RBFOX1: variants seen among roughly 807,000 people sequenced by gnomAD.
RBFOX1 encodes the protein RNA binding fox-1 homolog 1.
In RBFOX1, 8 loss-of-function variants were observed where a neutral mutation model predicts 57.7. The ratio of observed to expected loss-of-function variants is 0.14; its 90% CI spans 0.08 to 0.25. The LOEUF is 0.25. Among genes scored for constraint, RBFOX1 ranks in the 10% least tolerant of loss-of-function variants. The pLI is 1.00. For missense variants in RBFOX1, 611 were observed against 548.5 expected (o/e 1.11, Z -1.14); for synonymous variants, 326 against 222.4 (o/e 1.47, Z -4.15).
chr16:7,146,426 C>T (rs1334636422), intron 4 of RBFOX1, among the ~76,000 whole-genome samples: 1 of 152,224 alleles, frequency 6.6e-6, no homozygotes, highest in Non-Finnish European at 1.5e-5. Flanking sequence ...GCCTACCCAG[C>T]AGCTCTGTCA....
chr16:7,019,500 C>G (rs1268477372), intron 3 of RBFOX1, among the ~76,000 whole-genome samples: 3 of 152,138 alleles, frequency 2.0e-5, no homozygotes, highest in Non-Finnish European at 4.4e-5. Context: ...GCTCTCTTGT[C>G]TGAACCCCTG....
At chr16:6,834,553 A>G (rs151212142) in intron 3 of RBFOX1, among the ~76,000 whole-genome samples, 248 of 152,292 alleles carry the variant, frequency 1.6e-3, no homozygotes, top group African/African-American at 4.9e-3. Flanking sequence ...AACAGGAGAT[A>G]TCAGTAAGTG....
chr16:6,875,024 G>A (rs185392201), intron 3 of RBFOX1, among the ~76,000 whole-genome samples: 3 of 152,304 alleles, frequency 2.0e-5, no homozygotes, highest in South Asian at 4.1e-4. Context: ...AAAATGGGGA[G>A]AAGTTGTGAG....
At chr16:6,842,502 C>A (rs1388564516) in intron 3 of RBFOX1, among the ~76,000 whole-genome samples, 3 of 152,160 alleles carry the variant, frequency 2.0e-5, no homozygotes, top group South Asian at 2.1e-4. Context: ...CAAATTGAAT[C>A]ATATATTTTT....
intron 14 of RBFOX1, among the ~76,000 whole-genome samples, chr16:7,677,154 C>CACACACACAT (rs1401274680): frequency 2.0e-5 from 3 of 151,778 alleles, no homozygotes; most frequent in Non-Finnish European, 2.9e-5. Flanking sequence ...CACACACACA[C>CACACACACAT]ACACACCGTA....
At chr16:5,375,119 G>C (rs2065952521) in intron 1 of RBFOX1, among the ~76,000 whole-genome samples, 1 of 148,108 alleles carries the variant, frequency 6.8e-6, no homozygotes, top group South Asian at 2.2e-4. Flanking sequence ...AAAAATAGGT[G>C]TGCGGGTTTG....
intron 2 of RBFOX1, among the ~76,000 whole-genome samples, chr16:6,365,920 A>G (rs2089517252): frequency 6.6e-6 from 1 of 152,172 alleles, no homozygotes; most frequent in African/African-American, 2.4e-5. Context: ...AGCTACAGCT[A>G]CTACTTCAAC....
rs561044483 is a variant in RBFOX1 at position 6,229,921 on chromosome 16, A to C, written c.-126-87074A>C. 8.5e-5 allele frequency among the ~76,000 whole-genome samples: 13 copies of C among 152,174 alleles called. No homozygotes were observed. The South Asian group carries it at 1.2e-3, about 15-fold the overall frequency. On this transcript the variant is annotated intron_variant, in intron 1 of 15. Transcript: ENST00000550418. ...AATATTATTTGTCCTCGCGAAAGTG[A>C]TCCTCATCCCTTATTTTAAAGGAAA...
At chr16:6,515,087 G>A (rs2096347083) in intron 2 of RBFOX1, among the ~76,000 whole-genome samples, 1 of 152,118 alleles carries the variant, frequency 6.6e-6, no homozygotes, top group South Asian at 2.1e-4. Flanking sequence ...GGAAGGAAAG[G>A]AGAGAAGGAG....
intron 4 of RBFOX1, among the ~76,000 whole-genome samples, chr16:7,215,951 C>T (rs547085818): frequency 6.6e-6 from 1 of 152,108 alleles, no homozygotes; most frequent in Non-Finnish European, 1.5e-5. Context: ...TCTCGATTTC[C>T]TGACCTTGTG....
chr16:5,868,104 G>T (rs145638975), intron 4 of RBFOX1, among the ~76,000 whole-genome samples: 1 of 152,302 alleles, frequency 6.6e-6, no homozygotes, highest in South Asian at 2.1e-4. Context: ...AAGCTGTTCA[G>T]AAGTCACCAG....
At chr16:7,185,398 GATGGATTAC>G (rs1567613784) in intron 4 of RBFOX1, among the ~76,000 whole-genome samples, 1 of 152,170 alleles carries the variant, frequency 6.6e-6, no homozygotes, top group African/African-American at 2.4e-5. Flanking sequence ...ATTTGACAGA[GATGGATTAC>G]ATGGAGGGCC....
In RBFOX1 at chr16:5,403,855, T is replaced by C. The variant is rs192489603; in HGVS notation, c.220-63361T>C. 3.0e-4 allele frequency among the ~76,000 whole-genome samples: 46 copies of C among 152,156 alleles called. No homozygotes were observed. In the East Asian group the frequency reaches 7.7e-3, roughly 26 times the overall value. On this transcript the variant is annotated intron_variant, in intron 1 of 2. Transcript: ENST00000585867. ...GTCCCAACTTGCAGTTTCAAGAACA[T>C]GGAGAATGAAATATACTGGGGAAAG... is the stretch of plus-strand genomic sequence containing the variant.
At position 5,268,816 on chromosome 16, in the gene RBFOX1, T is replaced by A. The variant is rs369636151; in HGVS notation, c.219+28711T>A. 2.6e-5 allele frequency among the ~76,000 whole-genome samples: 4 copies of A among 152,266 alleles called. No individual in the cohort carries two copies. In the South Asian group the frequency reaches 8.3e-4, roughly 31 times the overall value. On this transcript the variant is annotated intron_variant, in intron 1 of 2. Coordinates refer to the RBFOX1 transcript ENST00000585867. ...CTATGTAGAATTGTTTGGGAAGTTG[T>A]TAAACTGTTTCTCACAGTGGCTACA...
At chr16:7,181,797 G>A (rs920679364) in intron 4 of RBFOX1, among the ~76,000 whole-genome samples, 3 of 152,082 alleles carry the variant, frequency 2.0e-5, no homozygotes, top group Non-Finnish European at 4.4e-5. Context: ...CTGAGCTCAA[G>A]CGATCTGCCC....
chr16:6,930,817 C>T (rs569958973), intron 3 of RBFOX1, among the ~76,000 whole-genome samples: 1 of 152,092 alleles, frequency 6.6e-6, no homozygotes, highest in African/African-American at 2.4e-5. Context: ...AGTCTATGAG[C>T]AAATGTCATC....
intron 4 of RBFOX1, among the ~76,000 whole-genome samples, chr16:7,450,390 C>T (rs1315400453): frequency 2.9e-4 from 5 of 17,294 alleles, no homozygotes; most frequent in Admixed American, 2.7e-3. Context: ...AAGACTCTGT[C>T]TCAAAAAAAA....
chr16:7,293,403 G>T (rs2095832238), intron 4 of RBFOX1, among the ~76,000 whole-genome samples: 1 of 152,128 alleles, frequency 6.6e-6, no homozygotes, highest in African/African-American at 2.4e-5. Context: ...AGTGAACGAT[G>T]ACTCTACCGA....
At chr16:7,323,015 C>T (rs1447394207) in intron 4 of RBFOX1, among the ~76,000 whole-genome samples, 10 of 152,176 alleles carry the variant, frequency 6.6e-5, no homozygotes, top group Admixed American at 6.5e-4. Context: ...TCTTCTCCTC[C>T]TCTCTCTGCT....
Sources: gnomAD v4.1 joint callset for allele counts (sites outside exome capture counted in the v4.1 genomes callset) on GRCh38, gnomAD v4.1.1 for gene constraint, MANE v1.5 for transcripts, NCBI Gene and HGNC (gene_info 2026-07-23, HGNC 2026-07-21) for gene names.